Variants in HEATR1 observed in about 807,000 individuals in gnomAD.
The protein encoded by HEATR1 is HEAT repeat-containing protein 1.
Under a neutral mutation model 248.2 loss-of-function variants are expected in HEATR1, and 77 were observed. The ratio of observed to expected loss-of-function variants is 0.31; its 90% CI spans 0.26 to 0.37. HEATR1 has a LOEUF of 0.37. Among genes scored for constraint, HEATR1 ranks in the 10% least tolerant of loss-of-function variants. The pLI is 1.00. For synonymous variants in HEATR1, 897 were observed against 923.1 expected, an observed-to-expected ratio of 0.97 and a Z score of 0.51; for missense variants, 2,420 against 2,504.9, an observed-to-expected ratio of 0.97 and a Z score of 0.72.
At position 236,582,885 on chromosome 1, in the gene HEATR1, G is replaced by A; in HGVS notation, c.2426-13C>T. 1 of 1,613,318 alleles carries A rather than the reference G, an allele frequency of 6.2e-7. No individual in the cohort carries two copies. Among genetic ancestry groups the A allele is most frequent in the Non-Finnish European group, 8.5e-7 (1 of 1,179,300 alleles). On this transcript the variant is annotated splice_polypyrimidine_tract_variant and intron_variant, in intron 18 of 44. Transcript: ENST00000366582. ...CACCATATATCACCTACAAGGACAT[G>A]GAAAGAGAAATGATGCTAGATCCTA... is the stretch of plus-strand genomic sequence containing the variant.
chr1:236,602,916 C>CGGTGGTCGCCG, intron 3 of HEATR1: 1 of 418,766 alleles, frequency 2.4e-6, no homozygotes, highest in Non-Finnish European at 4.3e-6. Flanking sequence ...CAGCAAGACT[C>CGGTGGTCGCCG]TATCTCAAAA....
rs1313290206 is a variant in HEATR1 at position 236,595,983 on chromosome 1, G to T, written c.806C>A (p.Ser269Tyr). 3 of 1,613,712 alleles carry T rather than the reference G, an allele frequency of 1.9e-6. No individual in the cohort carries two copies. Among genetic ancestry groups the T allele is most frequent in the Non-Finnish European group, 2.5e-6 (3 of 1,179,812 alleles). The change falls in exon 7 of 45, where the codon TCT becomes TAT. Residue 269 changes from serine to tyrosine, a missense_variant. Physicochemically the swap from Ser to Tyr is moderately radical, Grantham distance 144. Transcript: ENST00000366582. Reference sequence around the variant, plus strand: ...GGTATTTTCCATGGTCACTTTCACAGAAATCTGACATATTATCATGTATGT... The same window carrying T: ...GGTATTTTCCATGGTCACTTTCACATAAATCTGACATATTATCATGTATGT... ...AATYMIICQI[S>Y]VKVTMENTFV... is the part of the protein sequence containing the mutation.
In HEATR1 at chr1:236,549,773, C is replaced by G. The variant is rs764155347; in HGVS notation, c.*1129G>C. 3.3e-5 allele frequency: 5 copies of G among 152,158 alleles called. No homozygotes were observed. Among genetic ancestry groups the G allele is most frequent in the Non-Finnish European group, 5.9e-5 (4 of 68,028 alleles). 9.4% of individuals were successfully genotyped at this position (152,158 alleles called of 1,614,324 possible). On this transcript the variant is annotated 3_prime_UTR_variant, in exon 45 of 45. Transcript: ENST00000366582. Reference sequence around the variant, plus strand: ...AGGCATTTAGGAAAAAAATAGCCCACTCACATCATTCCTTGTAAGTCTTAA... The same window carrying G: ...AGGCATTTAGGAAAAAAATAGCCCAGTCACATCATTCCTTGTAAGTCTTAA...
intron 39 of HEATR1, 22 bp downstream of exon 39, chr1:236,555,783 G>A (rs369893488): frequency 6.2e-6 from 10 of 1,613,930 alleles, no homozygotes; most frequent in Non-Finnish European, 8.5e-6. Flanking sequence ...TTTAGGATTT[G>A]GAGGAGTGAA....
At chr1:236,590,089 G>A (rs1384083490) in intron 12 of HEATR1, among the ~76,000 whole-genome samples, 1 of 152,176 alleles carries the variant, frequency 6.6e-6, no homozygotes, top group Non-Finnish European at 1.5e-5. Flanking sequence ...AATAAAGTCA[G>A]CCTCAATACA....
intron 12 of HEATR1, among the ~76,000 whole-genome samples, chr1:236,588,357 G>C (rs1170534038): frequency 6.6e-6 from 1 of 152,190 alleles, no homozygotes; most frequent in East Asian, 1.9e-4. Context: ...ACGGGATATA[G>C]ACTAAAGAAT....
At position 236,603,416 on chromosome 1, in the gene HEATR1, G is replaced by A. The variant is rs148819083; in HGVS notation, c.143-40C>T. 1.2e-4 allele frequency: 181 copies of A among 1,537,666 alleles called. 1 individual carries two copies. In the East Asian group the frequency reaches 2.0e-3, roughly 17 times the overall value. Reference sequence around the variant, plus strand: ...AGGCCAGTTTATTTAACAATTCTTCGTAAGCAAATTCATCCCACCCCTCTT... The same window carrying A: ...AGGCCAGTTTATTTAACAATTCTTCATAAGCAAATTCATCCCACCCCTCTT... On this transcript the variant is annotated intron_variant, in intron 2 of 44. Coordinates refer to ENST00000366582, the MANE Select transcript of HEATR1 (RefSeq NM_018072.6).
chr1:236,592,230 T>A (rs1664057012), intron 10 of HEATR1, 120 bp from the exon 11 acceptor site: 1 of 605,492 alleles, frequency 1.7e-6, no homozygotes, highest in African/African-American at 1.9e-5. Context: ...GACTTAAATT[T>A]TAACAAATGT....
At position 236,549,293 on chromosome 1, in the gene HEATR1, T is replaced by C. The variant is rs1662601078; in HGVS notation, c.*1609A>G. On this transcript the variant is annotated 3_prime_UTR_variant, in exon 45 of 45. Coordinates refer to ENST00000366582, the MANE Select transcript of HEATR1 (RefSeq NM_018072.6). Reference sequence around the variant, plus strand: ...AATGGTTCCATTTCTGTGATTTTTCTATTATTTGAGGGGAGTTGGCAGAAG... The same window carrying C: ...AATGGTTCCATTTCTGTGATTTTTCCATTATTTGAGGGGAGTTGGCAGAAG... The C allele has an allele frequency of 3.9e-6, 1 of 254,766 alleles. No individual in the cohort carries two copies. The highest frequency in any genetic ancestry group is 7.4e-6 in the Non-Finnish European group (1 of 135,338). The allele number at this position is 254,766 out of a possible 1,614,324, so 15.8% of individuals were successfully genotyped here. A position where few individuals can be genotyped will look rare whatever the true frequency, so the allele number is the denominator to read the frequency against.
intron 13 of HEATR1, among the ~76,000 whole-genome samples, 200 bp from the exon 14 acceptor site, chr1:236,587,690 AT>A (rs1185901508): frequency 4.6e-5 from 7 of 152,160 alleles, no homozygotes; most frequent in African/African-American, 1.7e-4. Context: ...TTTGCTATTG[AT>A]AAAAATATGT....
intron 33 of HEATR1, among the ~76,000 whole-genome samples, chr1:236,560,225 G>GGC (rs1558178877): frequency 6.6e-6 from 1 of 151,570 alleles, no homozygotes; most frequent in Non-Finnish European, 1.5e-5. Context: ...CACACACACA[G>GGC]GCACACACAC....
rs199948161 is a variant in HEATR1, at chr1:236,571,574, G to T, written c.3820C>A (p.Pro1274Thr). The T allele has an allele frequency of 2.7e-5, 43 of 1,613,524 alleles. No homozygotes were observed. Among genetic ancestry groups the T allele is most frequent in the Middle Eastern group, 1.6e-4 (1 of 6,084 alleles). ...QKLSPDGGKI[P>T]KDILDEEKFN... ...CCTTCCAAAAAGTACCTACCTTTGG[G>T]TATTTTGCCACCATCTGGAGATAGT... Residue 1274 changes from proline (P) to threonine (T), a missense_variant, in exon 27 of 45, where the codon CCC (proline) becomes ACC (threonine). Pro to Thr is a conservative substitution (Grantham distance 38). Transcript: ENST00000366582.
At position 236,564,544 on chromosome 1, in the gene HEATR1, A is replaced by G; in HGVS notation, c.4553T>C (p.Val1518Ala). Residue 1518 changes from valine (V) to alanine (A), a missense_variant, in exon 32 of 45, where the codon GTG becomes GCG. Val to Ala is a moderately conservative substitution (Grantham distance 64). Coordinates refer to ENST00000366582, the MANE Select transcript of HEATR1 (RefSeq NM_018072.6). ...AGACAGGAGCTGAGACATGAAGGAC[A>G]CTGACAAAAATTTAAAATGCCGCAG... ...KQLRHFKFLS[V>A]SFMSQLLSSN... The G allele has an allele frequency of 1.2e-6, 2 of 1,614,032 alleles. No homozygotes were observed. The highest frequency in any genetic ancestry group is 1.7e-6 in the Non-Finnish European group (2 of 1,180,014).
intron 16 of HEATR1, 122 bp from the exon 17 acceptor site, chr1:236,585,338 C>T: frequency 1.4e-6 from 1 of 711,568 alleles, no homozygotes; most frequent in Non-Finnish European, 2.2e-6. Context: ...AACAGAAAGC[C>T]TTTATAAAGT....
chr1:236,558,007 T>C (rs113154353), intron 36 of HEATR1, among the ~76,000 whole-genome samples: 84 of 152,308 alleles, frequency 5.5e-4, no homozygotes, highest in African/African-American at 1.8e-3. Flanking sequence ...GGTGCAGTCA[T>C]AGCTCACTGC....
rs1664403099 is a variant in HEATR1, at chr1:236,604,096, C to T, written c.-1G>A. On this transcript the variant is annotated 5_prime_UTR_variant, in exon 2 of 45. Transcript: ENST00000366582. ...GCAGCTGCTGGGCTAAGGACGTCAT[C>T]TTTCACGCCAGCGGAGTTTTAATGA... 1.3e-6 allele frequency: 2 copies of T among 1,555,252 alleles called. No homozygotes were observed. The highest frequency in any genetic ancestry group is 1.7e-6 in the Non-Finnish European group (2 of 1,158,640).
Position 236,574,339 on chromosome 1 carries a change from G to A in HEATR1, c.3328-6C>T. On this transcript the variant is annotated splice_region_variant and splice_polypyrimidine_tract_variant and intron_variant, in intron 23 of 44. Coordinates refer to ENST00000366582, the MANE Select transcript of HEATR1 (RefSeq NM_018072.6). ...GCAAAAAATGGTTTTGTAATCTAGAGGGGGTAGAAAAAAGGCAACTGAGTT... is the reference window on the plus strand; with the variant it reads ...GCAAAAAATGGTTTTGTAATCTAGAAGGGGTAGAAAAAAGGCAACTGAGTT... The A allele has an allele frequency of 1.2e-6, 2 of 1,603,962 alleles. No individual in the cohort carries two copies. Among genetic ancestry groups the A allele is most frequent in the South Asian group, 1.1e-5 (1 of 88,374 alleles).
At chr1:236,560,010 G>A (rs1558178779) in intron 33 of HEATR1, among the ~76,000 whole-genome samples, 173 bp from the exon 34 acceptor site, 1 of 147,530 alleles carries the variant, frequency 6.8e-6, no homozygotes, top group Non-Finnish European at 1.5e-5. Context: ...GCCATAGACA[G>A]AGATCATCAA....
intron 14 of HEATR1, 144 bp from the exon 15 acceptor site, chr1:236,586,596 A>G: frequency 3.6e-6 from 2 of 555,340 alleles, no homozygotes; most frequent in South Asian, 5.5e-5. Context: ...CTAAGACACC[A>G]CTTAAAATCC....
Sources: allele counts gnomAD v4.1 joint callset (sites outside exome capture counted in the v4.1 genomes callset), GRCh38; gene constraint gnomAD v4.1.1; transcripts MANE v1.5; gene names NCBI Gene and HGNC (gene_info 2026-07-23, HGNC 2026-07-21).